Variants in NSUN6 observed in about 807,000 individuals in gnomAD.
NSUN6 encodes the protein tRNA (cytosine(72)-C(5))-methyltransferase NSUN6.
A neutral mutation model predicts 58.0 loss-of-function variants in NSUN6; 64 were observed. The observed-to-expected ratio is 1.10, with a 90% CI of 0.90 to 1.36. The LOEUF is 1.36. Among genes scored for constraint, NSUN6 ranks in the 40% most tolerant of loss-of-function variants. The pLI is 0.00. For missense variants in NSUN6, 701 were observed against 550.1 expected (o/e 1.27, Z -2.74); for synonymous variants, 231 against 193.9 (o/e 1.19, Z -1.59).
At chr10:18,579,297 A>G (rs2131052698) in intron 8 of NSUN6, among the ~76,000 whole-genome samples, 1 of 152,054 alleles carries the variant, frequency 6.6e-6, no homozygotes, top group Non-Finnish European at 1.5e-5. Flanking sequence ...CAGCCTCCTG[A>G]GTAGCTGGGA....
At chr10:18,599,248 C>T (rs1165317830) in intron 6 of NSUN6, among the ~76,000 whole-genome samples, 3 of 152,096 alleles carry the variant, frequency 2.0e-5, no homozygotes, top group African/African-American at 7.2e-5. Flanking sequence ...TATATCACTT[C>T]TTGGACTTCT....
intron 3 of NSUN6, among the ~76,000 whole-genome samples, chr10:18,639,295 C>T (rs1277814261): frequency 6.6e-6 from 1 of 152,056 alleles, no homozygotes; most frequent in African/African-American, 2.4e-5. Context: ...AAGTTGGAAA[C>T]CAGCCTGGCC....
intron 7 of NSUN6, among the ~76,000 whole-genome samples, chr10:18,587,433 A>T (rs1760897699): frequency 6.6e-6 from 1 of 152,186 alleles, no homozygotes; most frequent in Admixed American, 6.5e-5. Context: ...AGTTCAAGAA[A>T]ATTTTATATA....
chr10:18,643,663 A>G (rs533997530), intron 2 of NSUN6, among the ~76,000 whole-genome samples: 12 of 152,026 alleles, frequency 7.9e-5, no homozygotes, highest in Non-Finnish European at 1.2e-4. Context: ...TTCCACCTCA[A>G]TCAATCAAAT....
intron 3 of NSUN6, among the ~76,000 whole-genome samples, chr10:18,616,514 T>A (rs1321211510): frequency 6.6e-6 from 1 of 152,188 alleles, no homozygotes; most frequent in Non-Finnish European, 1.5e-5. Flanking sequence ...GTCCATCTGC[T>A]GGAAGGCAAT....
At chr10:18,560,160 G>A (rs1313779581) in intron 8 of NSUN6, among the ~76,000 whole-genome samples, 9 of 148,594 alleles carry the variant, frequency 6.1e-5, no homozygotes, top group East Asian at 2.0e-4. Context: ...AATGGAATGG[G>A]GAATGGAATG....
intron 3 of NSUN6, among the ~76,000 whole-genome samples, chr10:18,628,251 C>G (rs1425068393): frequency 1.3e-5 from 2 of 152,164 alleles, no homozygotes; most frequent in Non-Finnish European, 2.9e-5. Flanking sequence ...AAAAACCCAT[C>G]TGTACATCAC....
chr10:18,594,097 G>A (rs114162309), intron 7 of NSUN6, among the ~76,000 whole-genome samples: 22,406 of 151,252 alleles, frequency 0.15, 1,805 homozygotes, highest in Middle Eastern at 0.24. Context: ...CTACTTGGGA[G>A]ACTGAGGCAT....
At chr10:18,641,791 G>A (rs1448311187) in intron 3 of NSUN6, among the ~76,000 whole-genome samples, 1 of 152,178 alleles carries the variant, frequency 6.6e-6, no homozygotes, top group East Asian at 1.9e-4. Context: ...TTTACAGGCT[G>A]GGCAACGTGG....
intron 6 of NSUN6, among the ~76,000 whole-genome samples, chr10:18,605,456 T>C (rs1454746172): frequency 2.0e-5 from 3 of 152,276 alleles, no homozygotes; most frequent in East Asian, 1.9e-4. Flanking sequence ...CATTGTTCTG[T>C]AACAGTAACA....
chr10:18,593,397 C>T (rs1460124532), intron 7 of NSUN6, among the ~76,000 whole-genome samples: 1 of 152,134 alleles, frequency 6.6e-6, no homozygotes, highest in Non-Finnish European at 1.5e-5. Flanking sequence ...GCTATAAAAA[C>T]ATATGCACAC....
chr10:18,586,378 C>G (rs1266955171), intron 7 of NSUN6, among the ~76,000 whole-genome samples: 2 of 152,160 alleles, frequency 1.3e-5, no homozygotes, highest in South Asian at 2.1e-4. Context: ...TTCAGATGTT[C>G]AGATGTGTCT....
chr10:18,555,009 G>A (rs1043474046), intron 8 of NSUN6, among the ~76,000 whole-genome samples: 1 of 150,728 alleles, frequency 6.6e-6, no homozygotes, highest in African/African-American at 2.4e-5. Context: ...GAATAGAATG[G>A]AATGCAGTGG....
At position 18,646,248 on chromosome 10, in the gene NSUN6, A is replaced by T. The variant is rs117647484; in HGVS notation, c.231+2242T>A. ...GTGGTGCACAGATATTGGGGAGAAA[A>T]CACTTACTTTTATATCATCCTATTC... On this transcript the variant is annotated intron_variant, in intron 2 of 10. Coordinates refer to ENST00000377304, the MANE Select transcript of NSUN6 (RefSeq NM_182543.5). 6.0e-3 allele frequency among the ~76,000 whole-genome samples: 913 copies of T among 152,264 alleles called. 3 individuals are homozygous for T. Among genetic ancestry groups the T allele is most frequent in the Non-Finnish European group, 0.01 (712 of 68,002 alleles).
upstream of NSUN6, chr10:18,651,779 G>C (rs1465098566): frequency 9.1e-6 from 9 of 985,288 alleles, no homozygotes; most frequent in Non-Finnish European, 9.6e-6. Flanking sequence ...ACCTGCCTCA[G>C]GTTAAGTAGG....
At chr10:18,566,335 A>G (rs1221665773) in intron 8 of NSUN6, among the ~76,000 whole-genome samples, 1 of 123,822 alleles carries the variant, frequency 8.1e-6, no homozygotes, top group African/African-American at 3.1e-5. Flanking sequence ...CCATTCCACA[A>G]TCCATTCCAT....
intron 8 of NSUN6, among the ~76,000 whole-genome samples, chr10:18,553,854 T>C (rs2054783772): frequency 7.0e-6 from 1 of 143,374 alleles, no homozygotes; most frequent in Non-Finnish European, 1.5e-5. Flanking sequence ...GAGAATGGAA[T>C]GGAATAGAAT....
rs2059701385 is a variant in NSUN6 at position 18,651,381 on chromosome 10, G to C, written c.-178C>G. 3 of 1,308,074 alleles carry C rather than the reference G, an allele frequency of 2.3e-6. No homozygotes were observed. The highest frequency in any genetic ancestry group is 2.9e-6 in the Non-Finnish European group (3 of 1,032,254). The allele number at this position is 1,308,074 out of a possible 1,614,324, so 81.0% of individuals were successfully genotyped here. On this transcript the variant is annotated 5_prime_UTR_variant, in exon 1 of 11. In the 5' UTR this introduces an upstream ATG that the reference lacks. Coordinates refer to ENST00000377304, the MANE Select transcript of NSUN6 (RefSeq NM_182543.5). ...GGTACACGCTTTCTCAAGCCTAGCC[G>C]ATTAGAAGGGGCTGCCGGGCTTCCA...
chr10:18,582,838 G>T (rs2056965964), intron 8 of NSUN6, among the ~76,000 whole-genome samples: 1 of 152,174 alleles, frequency 6.6e-6, no homozygotes, highest in African/African-American at 2.4e-5. Flanking sequence ...TGCACATGCT[G>T]AAGGAATACA....
Sources: gnomAD v4.1 joint callset for allele counts (sites outside exome capture counted in the v4.1 genomes callset) on GRCh38, gnomAD v4.1.1 for gene constraint, MANE v1.5 for transcripts, NCBI Gene and HGNC (gene_info 2026-07-23, HGNC 2026-07-21) for gene names.